The following ARID3B variants were observed in gnomAD, a reference collection of about 807,000 sequenced individuals.
The protein encoded by ARID3B is AT-rich interactive domain-containing protein 3B.
Under a neutral mutation model 51.9 loss-of-function variants are expected in ARID3B, and 10 were observed. The observed-to-expected ratio is 0.19, with a 90% confidence interval of 0.12 to 0.33. The LOEUF (loss-of-function observed/expected upper bound fraction) is 0.33. Ranked by LOEUF, ARID3B falls within the 10% of genes least tolerant of loss-of-function variation. ARID3B has a pLI of 1.00. For synonymous variants in ARID3B, 205 were observed against 279.5 expected, an observed-to-expected ratio of 0.73 and a Z score of 2.66; for missense variants, 483 against 716.3, an observed-to-expected ratio of 0.67 and a Z score of 3.72.
At chr15:74,594,070 A>G (rs7176095) in intron 8 of ARID3B, among the ~76,000 whole-genome samples, 36,553 of 151,788 alleles carry the variant, frequency 0.24, 5,834 homozygotes, top group East Asian at 0.55. Context: ...ACAAAACTTA[A>G]TATTCATAAA....
chr15:74,592,633 C>T (rs1420405728), intron 7 of ARID3B, among the ~76,000 whole-genome samples: 3 of 152,220 alleles, frequency 2.0e-5, no homozygotes, highest in Non-Finnish European at 4.4e-5. Context: ...CAGCCAAAGG[C>T]CGTGTGTGCC....
At chr15:74,571,958 A>T (rs187373539) in intron 2 of ARID3B, among the ~76,000 whole-genome samples, 124 of 152,132 alleles carry the variant, frequency 8.2e-4, no homozygotes, top group African/African-American at 2.9e-3. Flanking sequence ...ACCAAACAAA[A>T]ATTAGCCGGG....
chr15:74,579,145 C>T (rs2061749704), intron 4 of ARID3B, among the ~76,000 whole-genome samples: 7 of 152,266 alleles, frequency 4.6e-5, no homozygotes, highest in Admixed American at 1.3e-4. Flanking sequence ...GAGACAGGGA[C>T]GGGCCATAAC....
intron 4 of ARID3B, among the ~76,000 whole-genome samples, chr15:74,588,156 G>A (rs1443964233): frequency 6.6e-6 from 1 of 151,870 alleles, no homozygotes; most frequent in African/African-American, 2.4e-5. Context: ...GTGGGAGGAT[G>A]GCTGGAGGTT....
At chr15:74,581,247 T>C (rs964260269) in intron 4 of ARID3B, among the ~76,000 whole-genome samples, 4 of 152,248 alleles carry the variant, frequency 2.6e-5, no homozygotes, top group African/African-American at 7.2e-5. Flanking sequence ...TCTTTTTTGA[T>C]GTGTATATAC....
chr15:74,553,933 C>G (rs1028884172), intron 2 of ARID3B, among the ~76,000 whole-genome samples: 1 of 152,068 alleles, frequency 6.6e-6, no homozygotes, highest in Non-Finnish European at 1.5e-5. Flanking sequence ...AAGAGATTCT[C>G]CTGCCTCAGC....
intron 2 of ARID3B, among the ~76,000 whole-genome samples, chr15:74,572,237 AT>A (rs2061721611): frequency 6.6e-6 from 1 of 152,162 alleles, no homozygotes; most frequent in Non-Finnish European, 1.5e-5. Flanking sequence ...TTGGGCTTAG[AT>A]TTTCACTGTT....
chr15:74,565,593 G>A (rs982479441), intron 2 of ARID3B, among the ~76,000 whole-genome samples: 5 of 152,182 alleles, frequency 3.3e-5, no homozygotes, highest in African/African-American at 1.2e-4. Flanking sequence ...GATATTCCAG[G>A]TGGTCAAGGA....
chr15:74,542,160 T>C (rs2141370027), intron 1 of ARID3B, among the ~76,000 whole-genome samples: 1 of 152,336 alleles, frequency 6.6e-6, no homozygotes, highest in African/African-American at 2.4e-5. Context: ...TCGTGATTGA[T>C]TGACTGTAAT....
At chr15:74,582,350 T>C (rs986569255) in intron 4 of ARID3B, among the ~76,000 whole-genome samples, 5 of 152,052 alleles carry the variant, frequency 3.3e-5, no homozygotes, top group Non-Finnish European at 1.5e-5. Context: ...ATATTTTTAA[T>C]ATAGATGGGG....
chr15:74,585,785 A>G (rs777325180), intron 4 of ARID3B, among the ~76,000 whole-genome samples: 3 of 152,222 alleles, frequency 2.0e-5, no homozygotes, highest in Non-Finnish European at 4.4e-5. Context: ...GACAAGAGAA[A>G]TGGCTACCAG....
intron 2 of ARID3B, among the ~76,000 whole-genome samples, chr15:74,552,423 G>C (rs918263947): frequency 7.2e-6 from 1 of 138,614 alleles, no homozygotes; most frequent in Non-Finnish European, 1.6e-5. Context: ...TCGAACTCCC[G>C]ACCTCAGGTA....
intron 4 of ARID3B, among the ~76,000 whole-genome samples, chr15:74,583,836 AC>A (rs1383667404): frequency 6.6e-6 from 1 of 152,096 alleles, no homozygotes; most frequent in Admixed American, 6.6e-5. Flanking sequence ...TGTAAGTTAG[AC>A]CCACTCAGTG....
intron 2 of ARID3B, among the ~76,000 whole-genome samples, chr15:74,567,380 A>G (rs2061703012): frequency 6.6e-6 from 1 of 151,630 alleles, no homozygotes; most frequent in South Asian, 2.1e-4. Context: ...ATTATATGCT[A>G]TATGTGTTCA....
At chr15:74,551,680 C>G (rs1273161221) in intron 2 of ARID3B, among the ~76,000 whole-genome samples, 1 of 152,182 alleles carries the variant, frequency 6.6e-6, no homozygotes, top group East Asian at 1.9e-4. Flanking sequence ...TAAATTTTAC[C>G]TGAGTCAGTT....
intron 4 of ARID3B, among the ~76,000 whole-genome samples, chr15:74,588,803 G>C (rs920927811): frequency 2.6e-5 from 4 of 151,668 alleles, no homozygotes; most frequent in African/African-American, 9.7e-5. Context: ...ACTTCCCCTC[G>C]GGGCCATTGG....
chr15:74,561,804 G>A (rs1228834481), intron 2 of ARID3B, among the ~76,000 whole-genome samples: 1 of 152,108 alleles, frequency 6.6e-6, no homozygotes, highest in Non-Finnish European at 1.5e-5. Flanking sequence ...TCAACCTTAT[G>A]GTGGTACAAA....
intron 2 of ARID3B, among the ~76,000 whole-genome samples, chr15:74,550,594 C>T (rs551480265): frequency 6.6e-6 from 1 of 151,716 alleles, no homozygotes; most frequent in Admixed American, 6.6e-5. Context: ...CGGTCCCAAG[C>T]TACTCCGGAG....
intron 4 of ARID3B, among the ~76,000 whole-genome samples, chr15:74,577,695 T>TGG (rs144994380): frequency 4.6e-5 from 7 of 151,140 alleles, no homozygotes; most frequent in East Asian, 2.0e-4. Context: ...CTAATTTTTC[T>TGG]GTTTTTTTGT....
Sources: allele counts gnomAD v4.1 joint callset (sites outside exome capture counted in the v4.1 genomes callset), GRCh38; gene constraint gnomAD v4.1.1; transcripts MANE v1.5; gene names NCBI Gene and HGNC (gene_info 2026-07-23, HGNC 2026-07-21).